Variants in ELP5 observed in about 807,000 individuals in gnomAD.
ELP5 encodes elongator acetyltransferase complex subunit 5, also known as elongator complex protein 5.
Under a neutral mutation model 33.4 loss-of-function variants are expected in ELP5, and 34 were observed. The ratio of observed to expected loss-of-function variants is 1.02; its 90% CI spans 0.78 to 1.36. ELP5 has a LOEUF of 1.36. Ranked by LOEUF, ELP5 falls within the 40% of genes most tolerant of loss-of-function variation. ELP5 has a pLI of 0.00. For synonymous variants in ELP5, 161 were observed against 146.4 expected, an observed-to-expected ratio of 1.10 and a Z score of -0.72; for missense variants, 373 against 371.7, an observed-to-expected ratio of 1.00 and a Z score of -0.03.
intron 4 of ELP5, among the ~76,000 whole-genome samples, chr17:7,256,023 T>C (rs1348081101): frequency 1.3e-5 from 2 of 151,008 alleles, no homozygotes; most frequent in African/African-American, 4.9e-5. Flanking sequence ...GCCACCGTAC[T>C]GCAGCCTGGG....
chr17:7,256,797 A>G (rs1450754840), intron 4 of ELP5, 60 bp from the exon 5 acceptor site: 21 of 1,554,226 alleles, frequency 1.4e-5, no homozygotes, highest in Admixed American at 1.7e-5. Flanking sequence ...CTTCACTGTT[A>G]GCTCCCAGGC....
Position 7,259,584 on chromosome 17 carries a change from C to T in ELP5, c.802C>T (p.Leu268=). Residue 268 remains leucine, a synonymous_variant, in exon 8 of 8, where the codon CTG becomes TTG. Transcript: ENST00000396628. ...QFSSEKQQAL[L]RPRPGQATSH... ...TTCCCTTCTCAGACAGCAGGCTCTC[C>T]TGCGGCCTAGGCCAGGGCAGGCTAC... is the stretch of plus-strand genomic sequence containing the variant. 1 of 1,614,256 alleles carries T rather than the reference C, an allele frequency of 6.2e-7. No individual in the cohort carries two copies. Among genetic ancestry groups the T allele is most frequent in the African/African-American group, 1.3e-5 (1 of 75,082 alleles).
Position 7,254,648 on chromosome 17 carries a change from G to A in ELP5, c.254G>A (p.Gly85Glu), listed in dbSNP as rs1441464378. 1.2e-6 allele frequency: 2 copies of A among 1,614,074 alleles called. No homozygotes were observed. The highest frequency in any genetic ancestry group is 4.5e-5 in the East Asian group (2 of 44,880). The stretch of plus-strand genomic sequence containing the variant: ...TCAAAAACTGAGGAGGCCTTTCCTG[G>A]GGGGCCGCTGGGAGCCTTGAGAGCC... Reference protein sequence around the residue: ...NWSKTEEAFPGGPLGALRAMC... With the variant: ...NWSKTEEAFPEGPLGALRAMC... The change falls in exon 4 of 8, where the codon GGG becomes GAG. Residue 85 changes from glycine (G) to glutamate (E), a missense_variant. Transcript: ENST00000396628.
chr17:7,254,878 C>CAGATGTTTATTCTAGGG, intron 4 of ELP5, 75 bp downstream of exon 4: 1 of 1,292,820 alleles, frequency 7.7e-7, no homozygotes, highest in Non-Finnish European at 1.1e-6. Flanking sequence ...CCTTTCTACC[C>CAGATGTTTATTCTAGGG]TAGAATAAAC....
At chr17:7,256,543 C>G (rs1217575304) in intron 4 of ELP5, among the ~76,000 whole-genome samples, 2 of 152,222 alleles carry the variant, frequency 1.3e-5, no homozygotes, top group African/African-American at 4.8e-5. Flanking sequence ...ACTACAAGTA[C>G]TTCCGTGTGT....
At chr17:7,258,023 A>C (rs1182647619) in intron 5 of ELP5, among the ~76,000 whole-genome samples, 1 of 151,932 alleles carries the variant, frequency 6.6e-6, no homozygotes. Context: ...AGCCGAGATC[A>C]TGCCACTACA....
Position 7,259,566 on chromosome 17 carries a change from C to T in ELP5, c.789-5C>T. 1.2e-6 allele frequency: 2 copies of T among 1,614,186 alleles called. No individual in the cohort carries two copies. Among genetic ancestry groups the T allele is most frequent in the South Asian group, 1.1e-5 (1 of 91,080 alleles). On this transcript the variant is annotated splice_region_variant and splice_polypyrimidine_tract_variant and intron_variant, in intron 7 of 7. Coordinates refer to ENST00000396628, the MANE Select transcript of ELP5 (RefSeq NM_203414.3). ...CCTCACCAGCACCAAATCTTCCCTT[C>T]TCAGACAGCAGGCTCTCCTGCGGCC...
Position 7,254,716 on chromosome 17 carries a change from G to A in ELP5, c.322G>A (p.Asp108Asn), listed in dbSNP as rs372740494. ...TDPVPVTIAL[D>N]SLSWLLLRLP... ...TCCTGTTCCTGTCACCATTGCTCTC[G>A]ATTCACTCAGCTGGCTGCTACTTCG... Residue 108 changes from aspartate (D) to asparagine (N), a missense_variant, in exon 4 of 8, where the codon GAT becomes AAT. By Grantham distance (23) the Asp-to-Asn change is conservative. Coordinates refer to ENST00000396628, the MANE Select transcript of ELP5 (RefSeq NM_203414.3). The A allele has an allele frequency of 9.9e-6, 16 of 1,613,974 alleles. No homozygotes were observed. Among genetic ancestry groups the A allele is most frequent in the East Asian group, 4.5e-5 (2 of 44,896 alleles).
intron 5 of ELP5, among the ~76,000 whole-genome samples, chr17:7,258,280 C>G (rs952651240): frequency 6.6e-6 from 1 of 151,840 alleles, no homozygotes; most frequent in African/African-American, 2.4e-5. Flanking sequence ...AAAACCCCAT[C>G]TCTACTAAAA....
chr17:7,254,717 A>G lies in ELP5; in HGVS notation c.323A>G (p.Asp108Gly). The G allele has an allele frequency of 6.2e-7, 1 of 1,614,078 alleles. No homozygotes were observed. Among genetic ancestry groups the G allele is most frequent in the Non-Finnish European group, 8.5e-7 (1 of 1,180,012 alleles). ...CCTGTTCCTGTCACCATTGCTCTCGATTCACTCAGCTGGCTGCTACTTCGC... is the reference window on the plus strand; with the variant it reads ...CCTGTTCCTGTCACCATTGCTCTCGGTTCACTCAGCTGGCTGCTACTTCGC... ...TDPVPVTIAL[D>G]SLSWLLLRLP... The change falls in exon 4 of 8, where the codon GAT (aspartate) becomes GGT (glycine). Residue 108 changes from aspartate to glycine, a missense_variant. Asp to Gly is a moderately conservative substitution (Grantham distance 94, BLOSUM62 -1). Coordinates refer to ENST00000396628, the MANE Select transcript of ELP5 (RefSeq NM_203414.3).
chr17:7,252,253 G>T lies in ELP5; in HGVS notation c.-298G>T. 2.0e-6 allele frequency: 1 copy of T among 496,684 alleles called. No individual in the cohort carries two copies. Among genetic ancestry groups the T allele is most frequent in the Non-Finnish European group, 3.7e-6 (1 of 272,582 alleles). The allele number at this position is 496,684 out of a possible 1,614,324, so 30.8% of individuals were successfully genotyped here. Reference sequence around the variant, plus strand: ...TTAGGGCCCTCGCGGGGGGCTTGTGGGTCCTCCTCCCCCTCCCACTGACAA... The same window carrying T: ...TTAGGGCCCTCGCGGGGGGCTTGTGTGTCCTCCTCCCCCTCCCACTGACAA... On this transcript the variant is annotated 5_prime_UTR_variant, in exon 1 of 8. Coordinates refer to ENST00000396628, the MANE Select transcript of ELP5 (RefSeq NM_203414.3).
chr17:7,253,911 C>T (rs553545093), intron 3 of ELP5, among the ~76,000 whole-genome samples: 15 of 151,884 alleles, frequency 9.9e-5, no homozygotes, highest in Middle Eastern at 3.4e-3. Context: ...GCAGGAGAAT[C>T]GCTTGAACCC....
At chr17:7,259,408 G>T in intron 7 of ELP5, 163 bp from the exon 8 acceptor site, 3 of 1,445,130 alleles carry the variant, frequency 2.1e-6, no homozygotes, top group Non-Finnish European at 2.7e-6. Flanking sequence ...AGTACCAAAT[G>T]GTGCTTCAGC....
Position 7,259,890 on chromosome 17 carries a change from T to A in ELP5, c.*205T>A. The A allele has an allele frequency of 1.3e-6, 1 of 760,524 alleles. No homozygotes were observed. The highest frequency in any genetic ancestry group is 2.0e-6 in the Non-Finnish European group (1 of 492,804). The allele number at this position is 760,524 out of a possible 1,614,324, so 47.1% of individuals were successfully genotyped here. Reference sequence around the variant, plus strand: ...GAAGACATGGGGTAATGTGAGAGAGTAGAACACCCCCGTACCTAATAAAAA... The same window carrying A: ...GAAGACATGGGGTAATGTGAGAGAGAAGAACACCCCCGTACCTAATAAAAA... On this transcript the variant is annotated 3_prime_UTR_variant, in exon 8 of 8. Coordinates refer to ENST00000396628, the MANE Select transcript of ELP5 (RefSeq NM_203414.3).
intron 3 of ELP5, among the ~76,000 whole-genome samples, chr17:7,253,537 C>G (rs1052602979): frequency 6.6e-6 from 1 of 152,130 alleles, no homozygotes; most frequent in Non-Finnish European, 1.5e-5. Flanking sequence ...GTTCCTAAAC[C>G]CAGCGGCATG....
chr17:7,253,265 C>A (rs1424694787), intron 3 of ELP5, among the ~76,000 whole-genome samples: 1 of 152,146 alleles, frequency 6.6e-6, no homozygotes, highest in Non-Finnish European at 1.5e-5. Flanking sequence ...ATCCGTTAAT[C>A]CGGCTTCACT....
chr17:7,257,436 T>G (rs1597585609), intron 5 of ELP5, among the ~76,000 whole-genome samples: 1 of 151,918 alleles, frequency 6.6e-6, no homozygotes, highest in Non-Finnish European at 1.5e-5. Context: ...TTGGAGTTTT[T>G]TTTTTTTTTT....
intron 3 of ELP5, 51 bp from the exon 4 acceptor site, chr17:7,254,532 C>A (rs761380879): frequency 1.2e-5 from 16 of 1,361,864 alleles, no homozygotes; most frequent in Non-Finnish European, 1.6e-5. Context: ...ACTTTGTGAT[C>A]CTCTCGGGGG....
intron 5 of ELP5, 124 bp from the exon 6 acceptor site, chr17:7,258,464 A>AT (rs1555533028): frequency 3.1e-5 from 28 of 896,206 alleles, no homozygotes; most frequent in African/African-American, 5.1e-5. Flanking sequence ...AAAAAAAAAA[A>AT]GTTGAGGGCA....
Sources: allele counts gnomAD v4.1 joint callset (sites outside exome capture counted in the v4.1 genomes callset), GRCh38; gene constraint gnomAD v4.1.1; transcripts MANE v1.5; gene names NCBI Gene and HGNC (gene_info 2026-07-23, HGNC 2026-07-21).